The following ROBO1 variants were observed in gnomAD, a reference collection of about 807,000 sequenced individuals.
The protein encoded by ROBO1 is roundabout homolog 1.
Under a neutral mutation model 195.9 loss-of-function variants are expected in ROBO1, and 149 were observed. The ratio of observed to expected loss-of-function variants is 0.76; its 90% CI spans 0.67 to 0.87. The LOEUF (loss-of-function observed/expected upper bound fraction) is 0.87. Among genes scored for constraint, ROBO1 ranks in the 40% least tolerant of loss-of-function variants. The pLI, the probability that ROBO1 is intolerant of heterozygous loss-of-function variation, is 0.00. For synonymous variants in ROBO1, 816 were observed against 733.2 expected, an observed-to-expected ratio of 1.11 and a Z score of -1.82; for missense variants, 1,933 against 2,068.3, an observed-to-expected ratio of 0.93 and a Z score of 1.27.
intron 3 of ROBO1, among the ~76,000 whole-genome samples, chr3:79,024,956 C>T (rs569425479): frequency 6.6e-6 from 1 of 152,288 alleles, no homozygotes; most frequent in East Asian, 1.9e-4. Context: ...GATTATGCCT[C>T]TCCTCTGCTC....
chr3:79,630,487 T>G (rs1297675415), intron 1 of ROBO1, among the ~76,000 whole-genome samples: 2 of 151,966 alleles, frequency 1.3e-5, no homozygotes, highest in African/African-American at 4.8e-5. Flanking sequence ...CAAAGAATCA[T>G]ACCTCAAAAT....
chr3:78,702,328 T>G (rs1230027937), intron 8 of ROBO1, among the ~76,000 whole-genome samples: 2 of 152,214 alleles, frequency 1.3e-5, no homozygotes, highest in Non-Finnish European at 2.9e-5. Flanking sequence ...TTAGTTATCT[T>G]GTGTATTTAG....
intron 26 of ROBO1, among the ~76,000 whole-genome samples, chr3:78,621,503 AC>A: frequency 6.6e-6 from 1 of 152,260 alleles, no homozygotes; most frequent in East Asian, 1.9e-4. Context: ...AACTACAACC[AC>A]CCTTTACAAA....
intron 2 of ROBO1, among the ~76,000 whole-genome samples, chr3:79,187,531 T>C (rs2081462460): frequency 6.6e-6 from 1 of 152,016 alleles, no homozygotes; most frequent in Non-Finnish European, 1.5e-5. Context: ...ATAAATTTTG[T>C]CCAACACTGA....
chr3:78,668,780 G>A (rs1248132286), intron 11 of ROBO1, among the ~76,000 whole-genome samples: 2 of 152,132 alleles, frequency 1.3e-5, no homozygotes, highest in African/African-American at 2.4e-5. Flanking sequence ...TGTTCTAATG[G>A]TATAATAAGA....
chr3:79,727,723 C>A lies in ROBO1; in HGVS notation c.-51+40029G>T, dbSNP rs190093578. Among the ~76,000 whole-genome samples the A allele has an allele frequency of 4.7e-3, 721 of 152,226 alleles. 8 individuals carry two copies. The highest frequency in any genetic ancestry group is 0.017 in the African/African-American group (692 of 41,544). ...TTTTAAAAAATCATGTATTTTAATT[C>A]TTCATATCCTGCCTGCACCCTTTTA... On this transcript the variant is annotated intron_variant, in intron 1 of 30. Transcript: ENST00000464233.
At chr3:79,521,098 C>T (rs1055748231) in intron 2 of ROBO1, among the ~76,000 whole-genome samples, 3 of 152,002 alleles carry the variant, frequency 2.0e-5, no homozygotes, top group Non-Finnish European at 4.4e-5. Flanking sequence ...TGGCTGGAAC[C>T]CCTTGTGAAA....
intron 4 of ROBO1, among the ~76,000 whole-genome samples, chr3:78,934,088 C>T (rs1191868946): frequency 1.3e-5 from 2 of 151,766 alleles, no homozygotes; most frequent in African/African-American, 2.4e-5. Flanking sequence ...TGTCCAAGTC[C>T]CCTTTAGATA....
chr3:78,614,990 AC>A (rs1559648316), intron 27 of ROBO1, among the ~76,000 whole-genome samples, 190 bp from the exon 28 acceptor site: 1 of 152,074 alleles, frequency 6.6e-6, no homozygotes, highest in Non-Finnish European at 1.5e-5. Context: ...TGGAAAAAAT[AC>A]CCCAAAAGCA....
At chr3:79,406,278 G>A (rs1051032222) in intron 2 of ROBO1, among the ~76,000 whole-genome samples, 18 of 150,244 alleles carry the variant, frequency 1.2e-4, no homozygotes, top group Non-Finnish European at 1.5e-5. Flanking sequence ...AAAAAAAAAA[G>A]TTAACCAGGC....
intron 1 of ROBO1, among the ~76,000 whole-genome samples, chr3:79,749,356 T>C (rs1704022809): frequency 6.6e-6 from 1 of 152,144 alleles, no homozygotes; most frequent in African/African-American, 2.4e-5. Flanking sequence ...AGCATAAAAG[T>C]TTGGAAAATT....
chr3:79,241,524 G>A (rs1279347289), intron 2 of ROBO1, among the ~76,000 whole-genome samples: 1 of 151,918 alleles, frequency 6.6e-6, no homozygotes, highest in East Asian at 1.9e-4. Context: ...AATTAAATAA[G>A]TTAAAACATT....
chr3:78,790,353 A>G (rs2083980302), intron 4 of ROBO1, among the ~76,000 whole-genome samples: 1 of 152,144 alleles, frequency 6.6e-6, no homozygotes, highest in Admixed American at 6.6e-5. Flanking sequence ...AGGTACATAT[A>G]TATATATTTA....
intron 1 of ROBO1, among the ~76,000 whole-genome samples, chr3:79,650,237 T>C (rs1352881027): frequency 1.3e-5 from 2 of 151,858 alleles, no homozygotes; most frequent in Non-Finnish European, 1.5e-5. Context: ...CTGCTCAGAT[T>C]AGTAAAACAG....
chr3:79,658,584 TTTTTTA>T (rs976521575), intron 1 of ROBO1, among the ~76,000 whole-genome samples: 31 of 152,058 alleles, frequency 2.0e-4, no homozygotes, highest in Non-Finnish European at 4.6e-4. Flanking sequence ...TTTATTTTAC[TTTTTTA>T]TTTTTAATTT....
chr3:79,461,872 C>T (rs944088512), intron 2 of ROBO1, among the ~76,000 whole-genome samples: 6 of 151,926 alleles, frequency 3.9e-5, no homozygotes, highest in Non-Finnish European at 1.5e-5. Context: ...AAAAATTCTC[C>T]TAAGATTTGT....
At chr3:79,157,629 A>G (rs767730205) in intron 2 of ROBO1, among the ~76,000 whole-genome samples, 19 of 151,942 alleles carry the variant, frequency 1.3e-4, no homozygotes, top group Non-Finnish European at 2.7e-4. Context: ...TGAAGTGTAC[A>G]ATAAAAGGAA....
intron 1 of ROBO1, among the ~76,000 whole-genome samples, chr3:79,642,955 A>C (rs912491227): frequency 6.6e-6 from 1 of 152,126 alleles, no homozygotes; most frequent in South Asian, 2.1e-4. Context: ...GATTGGGTTG[A>C]AGGATGCAAA....
At chr3:79,245,976 C>G (rs1576869592) in intron 2 of ROBO1, among the ~76,000 whole-genome samples, 1 of 152,100 alleles carries the variant, frequency 6.6e-6, no homozygotes, top group South Asian at 2.1e-4. Context: ...TCAAATGGTC[C>G]CAAGTCAAGT....
Sources: allele counts gnomAD v4.1 joint callset (sites outside exome capture counted in the v4.1 genomes callset), GRCh38; gene constraint gnomAD v4.1.1; transcripts MANE v1.5; gene names NCBI Gene and HGNC (gene_info 2026-07-23, HGNC 2026-07-21).